The following LRRC7 variants were observed in gnomAD, a reference collection of about 807,000 sequenced individuals.
LRRC7 encodes the protein leucine rich repeat containing 7.
A neutral mutation model predicts 175.7 loss-of-function variants in LRRC7; 23 were observed. The observed-to-expected ratio is 0.13, with a 90% CI of 0.09 to 0.19. The LOEUF (loss-of-function observed/expected upper bound fraction) is 0.19. LRRC7 is among the 10% of genes least tolerant of loss of function. LRRC7 has a pLI of 1.00. For missense variants in LRRC7, 1,354 were observed against 1,904.7 expected (o/e 0.71, Z 5.38); for synonymous variants, 685 against 680.9 (o/e 1.01, Z -0.09).
At chr1:70,025,832 G>GC (rs1491537802) in intron 17 of LRRC7, among the ~76,000 whole-genome samples, 2 of 88,256 alleles carry the variant, frequency 2.3e-5, no homozygotes, top group African/African-American at 1.9e-4. Flanking sequence ...CTCAATTTAA[G>GC]GGGGGGGGGG....
chr1:69,700,945 A>G (rs545090047), intron 2 of LRRC7, among the ~76,000 whole-genome samples: 101 of 152,292 alleles, frequency 6.6e-4, no homozygotes, highest in Non-Finnish European at 1.2e-3. Flanking sequence ...AGTCCACTGT[A>G]GCTCTGAGCC....
At chr1:70,061,376 T>C (rs1406994039) in intron 23 of LRRC7, among the ~76,000 whole-genome samples, 1 of 152,096 alleles carries the variant, frequency 6.6e-6, no homozygotes, top group Non-Finnish European at 1.5e-5. Context: ...CCTACCCTCC[T>C]TTTGGTGGTG....
intron 1 of LRRC7, among the ~76,000 whole-genome samples, chr1:69,586,321 T>G (rs1322391561): frequency 6.6e-6 from 1 of 152,140 alleles, no homozygotes; most frequent in Non-Finnish European, 1.5e-5. Flanking sequence ...TAGAATTAAT[T>G]TTCCTTTTAG....
chr1:69,932,276 T>A (rs1351445635), intron 8 of LRRC7, among the ~76,000 whole-genome samples: 1 of 152,200 alleles, frequency 6.6e-6, no homozygotes, highest in Non-Finnish European at 1.5e-5. Flanking sequence ...ATTTTAATTA[T>A]TTTAAAATTA....
chr1:69,760,729 C>T (rs1670948374), intron 3 of LRRC7, among the ~76,000 whole-genome samples: 2 of 151,950 alleles, frequency 1.3e-5, no homozygotes, highest in Admixed American at 1.3e-4. Context: ...TATGACACTA[C>T]TCCAGAACTG....
intron 1 of LRRC7, among the ~76,000 whole-genome samples, chr1:69,625,881 A>G (rs1651434967): frequency 6.6e-6 from 1 of 152,174 alleles, no homozygotes; most frequent in South Asian, 2.1e-4. Flanking sequence ...CGTATGTTCC[A>G]TGTGTATTTG....
intron 1 of LRRC7, among the ~76,000 whole-genome samples, chr1:69,653,152 G>C (rs141627940): frequency 6.6e-6 from 1 of 151,860 alleles, no homozygotes; most frequent in Non-Finnish European, 1.5e-5. Flanking sequence ...GAATAAAAAG[G>C]CAACTACAGA....
At chr1:69,685,971 A>C (rs1311539392) in intron 2 of LRRC7, among the ~76,000 whole-genome samples, 1 of 152,114 alleles carries the variant, frequency 6.6e-6, no homozygotes, top group African/African-American at 2.4e-5. Context: ...AAAAATATTT[A>C]AAACAGCCAG....
chr1:69,732,019 T>C (rs1272577260), intron 2 of LRRC7, among the ~76,000 whole-genome samples: 1 of 152,132 alleles, frequency 6.6e-6, no homozygotes, highest in Non-Finnish European at 1.5e-5. Context: ...AGTGTTTTGC[T>C]TGATTTCTTT....
chr1:69,646,695 A>G (rs1431849796), intron 1 of LRRC7, among the ~76,000 whole-genome samples: 4 of 152,098 alleles, frequency 2.6e-5, no homozygotes, highest in Non-Finnish European at 4.4e-5. Flanking sequence ...ACTGCTTCCT[A>G]TGATATCTAC....
In LRRC7 at chr1:70,132,419, T is replaced by C. The variant is rs1666700715; in HGVS notation, c.*10532T>C. 1 of 153,370 alleles carries C rather than the reference T, an allele frequency of 6.5e-6. No individual in the cohort carries two copies. The highest frequency in any genetic ancestry group is 1.4e-5 in the Non-Finnish European group (1 of 69,328). The allele number at this position is 153,370 out of a possible 1,614,324, so 9.5% of individuals were successfully genotyped here. ...AAAAAAGTTATCTCATTTTTAAAAATTACCAGAGTACTTTTCTTTTTTCTT... is the reference window on the plus strand; with the variant it reads ...AAAAAAGTTATCTCATTTTTAAAAACTACCAGAGTACTTTTCTTTTTTCTT... On this transcript the variant is annotated 3_prime_UTR_variant, in exon 27 of 27. Transcript: ENST00000651989.
At chr1:70,105,801 T>A (rs1360709956) in intron 25 of LRRC7, among the ~76,000 whole-genome samples, 1 of 152,150 alleles carries the variant, frequency 6.6e-6, no homozygotes, top group Non-Finnish European at 1.5e-5. Flanking sequence ...TCTAATTACT[T>A]GGTTAAAAGT....
In LRRC7 at chr1:70,005,241, C is replaced by T. The variant is rs531266064; in HGVS notation, c.1005-6556C>T. Among the ~76,000 whole-genome samples, 67 of 152,182 alleles carry T rather than the reference C, an allele frequency of 4.4e-4. 1 individual carries two copies. Among genetic ancestry groups the T allele is most frequent in the Middle Eastern group, 6.8e-3 (2 of 294 alleles). On this transcript the variant is annotated intron_variant, in intron 11 of 26. Coordinates refer to ENST00000651989, the MANE Select transcript of LRRC7 (RefSeq NM_001370785.2). The stretch of plus-strand genomic sequence containing the variant: ...GTATCTACACTAGAATTGGAGCCCA[C>T]GCCTGTCTCAATATTTTCCACTGAA...
chr1:69,975,776 C>T (rs1652751746), intron 8 of LRRC7, among the ~76,000 whole-genome samples: 1 of 152,164 alleles, frequency 6.6e-6, no homozygotes, highest in Non-Finnish European at 1.5e-5. Flanking sequence ...ACACCCATAC[C>T]ATCCCTGCAG....
At chr1:69,700,202 A>G (rs1232128656) in intron 2 of LRRC7, among the ~76,000 whole-genome samples, 1 of 152,184 alleles carries the variant, frequency 6.6e-6, no homozygotes, top group South Asian at 2.1e-4. Flanking sequence ...TCCTGAAGCC[A>G]AACTGTCTGT....
intron 8 of LRRC7, among the ~76,000 whole-genome samples, chr1:69,940,362 G>A (rs955703316): frequency 2.6e-5 from 4 of 151,930 alleles, no homozygotes; most frequent in South Asian, 2.1e-4. Flanking sequence ...CCTCGTTGCC[G>A]TTTCTCATTA....
chr1:69,742,942 G>A lies in LRRC7; in HGVS notation c.101-17249G>A, dbSNP rs115367710. 6.3e-3 allele frequency among the ~76,000 whole-genome samples: 965 copies of A among 152,082 alleles called. 3 individuals are homozygous for A. The highest frequency in any genetic ancestry group is 0.022 in the African/African-American group (914 of 41,536). ...ATATTCTGTTGTTAAAGGAAGCAGAGTTGTTGTCTGGTCATGTTTATTATA... is the reference window on the plus strand; with the variant it reads ...ATATTCTGTTGTTAAAGGAAGCAGAATTGTTGTCTGGTCATGTTTATTATA... On this transcript the variant is annotated intron_variant, in intron 2 of 26. Transcript: ENST00000651989.
intron 3 of LRRC7, among the ~76,000 whole-genome samples, chr1:69,769,962 T>C (rs1433553363): frequency 1.3e-5 from 2 of 152,118 alleles, no homozygotes; most frequent in Non-Finnish European, 2.9e-5. Context: ...TCCAGGCTCA[T>C]AGAACTAATA....
intron 1 of LRRC7, among the ~76,000 whole-genome samples, chr1:69,622,425 CT>C (rs1650759975): frequency 1.3e-5 from 2 of 152,280 alleles, no homozygotes; most frequent in African/African-American, 4.8e-5. Context: ...AAAATTGTCT[CT>C]TTTCTAAGAG....
Sources: gnomAD v4.1 joint callset for allele counts (sites outside exome capture counted in the v4.1 genomes callset) on GRCh38, gnomAD v4.1.1 for gene constraint, MANE v1.5 for transcripts, NCBI Gene and HGNC (gene_info 2026-07-23, HGNC 2026-07-21) for gene names.